The following GSG1L variants were observed in gnomAD, a reference collection of about 807,000 sequenced individuals.
The protein encoded by GSG1L is GSG1 like.
Under a neutral mutation model 42.1 loss-of-function variants are expected in GSG1L, and 24 were observed. The observed-to-expected ratio is 0.57, with a 90% CI of 0.41 to 0.80. GSG1L has a LOEUF of 0.80. GSG1L is among the 30% of genes least tolerant of loss of function. The pLI is 0.00. For synonymous variants in GSG1L, 215 were observed against 203.5 expected, an observed-to-expected ratio of 1.06 and a Z score of -0.48; for missense variants, 445 against 472.2, an observed-to-expected ratio of 0.94 and a Z score of 0.53.
intron 1 of GSG1L, among the ~76,000 whole-genome samples, chr16:28,037,762 A>G (rs760625631): frequency 6.6e-6 from 1 of 152,188 alleles, no homozygotes; most frequent in Non-Finnish European, 1.5e-5. Flanking sequence ...AGTCTCTCAC[A>G]TGTTGCTGGA....
intron 2 of GSG1L, among the ~76,000 whole-genome samples, chr16:27,923,174 T>C (rs1350683296): frequency 6.6e-6 from 1 of 152,174 alleles, no homozygotes; most frequent in Non-Finnish European, 1.5e-5. Context: ...TACTGGGAGA[T>C]GTACCAGACA....
intron 3 of GSG1L, among the ~76,000 whole-genome samples, chr16:27,857,303 C>G (rs1419375339): frequency 1.3e-5 from 2 of 151,506 alleles, no homozygotes; most frequent in Non-Finnish European, 2.9e-5. Context: ...TGGTGGGCAC[C>G]TGTAGCCCCA....
chr16:28,039,716 A>G (rs751175186), intron 1 of GSG1L, among the ~76,000 whole-genome samples: 1 of 151,790 alleles, frequency 6.6e-6, no homozygotes, highest in Non-Finnish European at 1.5e-5. Context: ...GTGCACACAC[A>G]TGCACATCCC....
At chr16:28,014,996 CT>C (rs2085764226) in intron 1 of GSG1L, among the ~76,000 whole-genome samples, 1 of 152,246 alleles carries the variant, frequency 6.6e-6, no homozygotes, top group Non-Finnish European at 1.5e-5. Context: ...GGTGTAACTA[CT>C]AGTCCTTGCA....
At chr16:27,934,931 G>A (rs1038684738) in intron 2 of GSG1L, among the ~76,000 whole-genome samples, 2 of 152,228 alleles carry the variant, frequency 1.3e-5, no homozygotes, top group Non-Finnish European at 2.9e-5. Flanking sequence ...ACCATGTGGG[G>A]ATTTGGCATT....
intron 5 of GSG1L, among the ~76,000 whole-genome samples, chr16:27,808,735 T>C (rs2082996664): frequency 6.6e-6 from 1 of 152,204 alleles, no homozygotes; most frequent in Non-Finnish European, 1.5e-5. Flanking sequence ...GTCTCCCAAA[T>C]TCTGGTACAG....
rs1056265964 is a variant in GSG1L, at chr16:27,867,471, G to A, written c.550+17015C>T. On this transcript the variant is annotated intron_variant, in intron 3 of 6. Coordinates refer to ENST00000447459, the MANE Select transcript of GSG1L (RefSeq NM_001109763.2). ...ACCTCTATGGCTCAGGGGCAGGGCAGATCAGTGAGCGCTGCCCCATGAGCT... is the reference window on the plus strand; with the variant it reads ...ACCTCTATGGCTCAGGGGCAGGGCAAATCAGTGAGCGCTGCCCCATGAGCT... 2.0e-5 allele frequency among the ~76,000 whole-genome samples: 3 copies of A among 152,204 alleles called. No individual in the cohort carries two copies. In the East Asian group the frequency reaches 5.8e-4, roughly 29 times the overall value.
At chr16:27,873,417 A>T (rs1372740068) in intron 3 of GSG1L, among the ~76,000 whole-genome samples, 1 of 152,184 alleles carries the variant, frequency 6.6e-6, no homozygotes, top group African/African-American at 2.4e-5. Flanking sequence ...GTGTGATGGA[A>T]TGGATAGTCT....
chr16:28,054,056 C>T (rs538982619), intron 1 of GSG1L, among the ~76,000 whole-genome samples: 4 of 152,236 alleles, frequency 2.6e-5, no homozygotes, highest in Admixed American at 1.3e-4. Flanking sequence ...GTGTGCCACC[C>T]GCCCTGCGTC....
At chr16:27,999,475 A>G (rs2085557950) in intron 1 of GSG1L, among the ~76,000 whole-genome samples, 1 of 152,210 alleles carries the variant, frequency 6.6e-6, no homozygotes. Flanking sequence ...TATTTAATAC[A>G]TAATCCAAAA....
At chr16:27,827,582 C>T (rs1200162368) in intron 5 of GSG1L, among the ~76,000 whole-genome samples, 6 of 152,096 alleles carry the variant, frequency 3.9e-5, no homozygotes, top group African/African-American at 1.4e-4. Flanking sequence ...GAGGTGGATA[C>T]AGCAGAAACA....
rs143856638 is a variant in GSG1L at position 27,849,360 on chromosome 16, C to T, written c.551-4299G>A. ...CGAGAAGTCAGTAAAAGGCTATCCG[C>T]CTTAAGCAGGGGTCTAACTGATTCT... On this transcript the variant is annotated intron_variant, in intron 3 of 6. Transcript: ENST00000447459. Among the ~76,000 whole-genome samples the T allele has an allele frequency of 4.4e-3, 663 of 152,272 alleles. 3 individuals carry two copies. Among genetic ancestry groups the T allele is most frequent in the African/African-American group, 0.015 (603 of 41,530 alleles).
At chr16:27,970,337 C>T (rs1045866426) in intron 1 of GSG1L, among the ~76,000 whole-genome samples, 12 of 151,880 alleles carry the variant, frequency 7.9e-5, no homozygotes, top group African/African-American at 2.7e-4. Flanking sequence ...TTTGGGAGGC[C>T]GAGGCAGGTG....
At chr16:27,966,033 T>G (rs527905927) in intron 1 of GSG1L, among the ~76,000 whole-genome samples, 78 of 152,188 alleles carry the variant, frequency 5.1e-4, no homozygotes, top group Non-Finnish European at 9.8e-4. Context: ...TTGCCAATCT[T>G]TAAACGTGCC....
chr16:27,858,257 G>A (rs1306865145), intron 3 of GSG1L, among the ~76,000 whole-genome samples: 1 of 152,188 alleles, frequency 6.6e-6, no homozygotes, highest in Non-Finnish European at 1.5e-5. Context: ...AAAATTGACA[G>A]CCTCTCTTTA....
At chr16:27,822,897 G>A (rs1422614187) in intron 5 of GSG1L, among the ~76,000 whole-genome samples, 1 of 152,128 alleles carries the variant, frequency 6.6e-6, no homozygotes, top group South Asian at 2.1e-4. Context: ...GTGGTACAGA[G>A]AGAGGTGCAG....
intron 6 of GSG1L, among the ~76,000 whole-genome samples, chr16:27,802,162 G>C (rs705914): frequency 2.6e-5 from 4 of 151,960 alleles, no homozygotes; most frequent in Non-Finnish European, 4.4e-5. Flanking sequence ...CACAGTGCAC[G>C]AATGGCTTGG....
rs74013593 is a variant in GSG1L at position 27,854,448 on chromosome 16, C to T, written c.551-9387G>A. 2.0e-3 allele frequency among the ~76,000 whole-genome samples: 303 copies of T among 152,198 alleles called. 3 individuals are homozygous for T. The highest frequency in any genetic ancestry group is 6.5e-3 in the African/African-American group (269 of 41,514). On this transcript the variant is annotated intron_variant, in intron 3 of 6. Coordinates refer to ENST00000447459, the MANE Select transcript of GSG1L (RefSeq NM_001109763.2). ...TATGAGCAGGGCTTCCCTAAAAGGC[C>T]GCCGGCCTCCACTTCAAGCCCTTTC...
At chr16:27,865,752 G>C (rs2083716827) in intron 3 of GSG1L, among the ~76,000 whole-genome samples, 2 of 150,946 alleles carry the variant, frequency 1.3e-5, no homozygotes, top group Non-Finnish European at 3.0e-5. Flanking sequence ...ACCCAGCCTG[G>C]AGTGCAGTGG....
Sources: gnomAD v4.1 joint callset for allele counts (sites outside exome capture counted in the v4.1 genomes callset) on GRCh38, gnomAD v4.1.1 for gene constraint, MANE v1.5 for transcripts, NCBI Gene and HGNC (gene_info 2026-07-23, HGNC 2026-07-21) for gene names.